Variants in IKZF2 observed in about 807,000 individuals in gnomAD.
IKZF2 encodes the protein IKAROS family zinc finger 2.
A neutral mutation model predicts 49.2 loss-of-function variants in IKZF2; 15 were observed. The ratio of observed to expected loss-of-function variants is 0.30; its 90% CI spans 0.20 to 0.47. The LOEUF (loss-of-function observed/expected upper bound fraction) is 0.47. IKZF2 is among the 20% of genes least tolerant of loss of function. IKZF2 has a pLI of 1.00. For synonymous variants in IKZF2, 227 were observed against 221.4 expected (o/e 1.03, Z -0.23); for missense variants, 567 against 664.6 (o/e 0.85, Z 1.61).
At chr2:213,051,853 A>G (rs1275750123) in intron 5 of IKZF2, among the ~76,000 whole-genome samples, 1 of 152,014 alleles carries the variant, frequency 6.6e-6, no homozygotes, top group Non-Finnish European at 1.5e-5. Context: ...TTCGTTAACA[A>G]TAACTTTACA....
At chr2:213,082,374 A>T (rs1417670152) in intron 4 of IKZF2, among the ~76,000 whole-genome samples, 1 of 152,210 alleles carries the variant, frequency 6.6e-6, no homozygotes, top group Non-Finnish European at 1.5e-5. Context: ...AGCAAATGTC[A>T]ATAGGTCCCT....
intron 4 of IKZF2, among the ~76,000 whole-genome samples, chr2:213,073,008 G>A (rs1011739622): frequency 2.6e-5 from 4 of 152,006 alleles, no homozygotes; most frequent in Admixed American, 6.6e-5. Context: ...TATTCAGACA[G>A]AATACTTATC....
intron 6 of IKZF2, among the ~76,000 whole-genome samples, chr2:213,035,063 C>A (rs1294186770): frequency 6.6e-6 from 1 of 152,048 alleles, no homozygotes; most frequent in Non-Finnish European, 1.5e-5. Flanking sequence ...ATTTGTATAT[C>A]CAGAATGTGG....
intron 7 of IKZF2, among the ~76,000 whole-genome samples, chr2:213,020,155 T>C (rs371178679): frequency 1.3e-5 from 2 of 152,130 alleles, no homozygotes; most frequent in African/African-American, 4.8e-5. Context: ...TTGGGGAAGA[T>C]TTGGTATTCC....
chr2:213,066,008 G>A (rs1702130603), intron 4 of IKZF2, among the ~76,000 whole-genome samples: 2 of 152,130 alleles, frequency 1.3e-5, no homozygotes, highest in Non-Finnish European at 2.9e-5. Flanking sequence ...CAAATTTCCT[G>A]AGCGTGGATT....
intron 4 of IKZF2, among the ~76,000 whole-genome samples, chr2:213,097,619 T>A (rs1559270070): frequency 6.6e-6 from 1 of 151,846 alleles, no homozygotes; most frequent in South Asian, 2.1e-4. Context: ...TTAAACTTAA[T>A]TAATAACTCT....
At chr2:213,141,201 CT>C (rs1574985348) in intron 4 of IKZF2, among the ~76,000 whole-genome samples, 1 of 151,916 alleles carries the variant, frequency 6.6e-6, no homozygotes, top group East Asian at 1.9e-4. Flanking sequence ...TACCTAGATC[CT>C]TCTCCTTCCT....
At chr2:213,041,430 G>A (rs1699642420) in intron 6 of IKZF2, among the ~76,000 whole-genome samples, 1 of 152,002 alleles carries the variant, frequency 6.6e-6, no homozygotes, top group Non-Finnish European at 1.5e-5. Flanking sequence ...AGCCTCCCGA[G>A]TAGCTGGGAC....
At chr2:213,124,245 C>CGT (rs1415679029) in intron 4 of IKZF2, among the ~76,000 whole-genome samples, 5 of 110,174 alleles carry the variant, frequency 4.5e-5, no homozygotes, top group South Asian at 3.5e-4. Flanking sequence ...TGCGCTCGCG[C>CGT]GCGCGCGCAC....
intron 4 of IKZF2, among the ~76,000 whole-genome samples, chr2:213,088,650 T>C (rs1704944244): frequency 6.6e-6 from 1 of 151,924 alleles, no homozygotes; most frequent in Non-Finnish European, 1.5e-5. Context: ...TCACACCACT[T>C]GGGAATCTGA....
chr2:213,144,957 A>C (rs989244450), intron 4 of IKZF2, among the ~76,000 whole-genome samples: 1 of 151,878 alleles, frequency 6.6e-6, no homozygotes, highest in Admixed American at 6.6e-5. Flanking sequence ...CCAGTGCTCT[A>C]TTCTAGCACT....
At chr2:213,127,184 T>G (rs1020830084) in intron 4 of IKZF2, among the ~76,000 whole-genome samples, 2 of 152,226 alleles carry the variant, frequency 1.3e-5, no homozygotes, top group African/African-American at 4.8e-5. Flanking sequence ...ATTCATTAGC[T>G]ATGAAAACTG....
intron 6 of IKZF2, among the ~76,000 whole-genome samples, chr2:213,039,904 A>G (rs1407605039): frequency 6.6e-6 from 1 of 152,136 alleles, no homozygotes; most frequent in Non-Finnish European, 1.5e-5. Flanking sequence ...CATTTTACTT[A>G]TAAATCTTTG....
intron 2 of IKZF2, among the ~76,000 whole-genome samples, chr2:213,149,848 C>G (rs1311431390): frequency 6.6e-6 from 1 of 150,578 alleles, no homozygotes; most frequent in African/African-American, 2.5e-5. Flanking sequence ...AACTCAGTCA[C>G]TACATAGCAC....
At chr2:213,150,323 C>A in intron 1 of IKZF2, 76 bp from the exon 2 acceptor site, 1 of 507,284 alleles carries the variant, frequency 2.0e-6, no homozygotes, top group Non-Finnish European at 3.6e-6. Flanking sequence ...TTGCCCCCTC[C>A]AAGCCAAGCC....
chr2:213,110,349 T>G (rs1331743412), intron 4 of IKZF2, among the ~76,000 whole-genome samples: 1 of 151,940 alleles, frequency 6.6e-6, no homozygotes, highest in Non-Finnish European at 1.5e-5. Flanking sequence ...ATTAATTATT[T>G]CATTACCTTC....
intron 4 of IKZF2, among the ~76,000 whole-genome samples, chr2:213,069,808 C>G (rs962453512): frequency 6.6e-6 from 1 of 152,072 alleles, no homozygotes; most frequent in Non-Finnish European, 1.5e-5. Context: ...AAGCTGCAAC[C>G]TGAACAAAGT....
At chr2:213,125,895 T>C (rs766441320) in intron 4 of IKZF2, among the ~76,000 whole-genome samples, 22 of 152,178 alleles carry the variant, frequency 1.4e-4, no homozygotes, top group South Asian at 1.0e-3. Context: ...GTACTATTAA[T>C]AGGAAAGGAA....
chr2:213,005,042 C>T lies in IKZF2; in HGVS notation c.*2318G>A, dbSNP rs1199674386. 2.0e-5 allele frequency: 3 copies of T among 152,136 alleles called. No homozygotes were observed. The highest frequency in any genetic ancestry group is 6.6e-5 in the Admixed American group (1 of 15,182). The allele number at this position is 152,136 out of a possible 1,614,324, so 9.4% of individuals were successfully genotyped here. On this transcript the variant is annotated 3_prime_UTR_variant, in exon 9 of 9. Coordinates refer to ENST00000434687, the MANE Select transcript of IKZF2 (RefSeq NM_001387220.1). ...TTCATAGATAATGCCAGCAGAAATT[C>T]GCACACAGCCAAAATTATGAACATA... is the stretch of plus-strand genomic sequence containing the variant.
Sources: gnomAD v4.1 joint callset for allele counts (sites outside exome capture counted in the v4.1 genomes callset) on GRCh38, gnomAD v4.1.1 for gene constraint, MANE v1.5 for transcripts, NCBI Gene and HGNC (gene_info 2026-07-23, HGNC 2026-07-21) for gene names.